PITPNB: variants seen among roughly 807,000 people sequenced by gnomAD.
PITPNB encodes the protein phosphatidylinositol transfer protein beta, also known as phosphatidylinositol transfer protein beta isoform.
PITPNB carries 16 observed loss-of-function variants against 45.9 expected under a neutral mutation model. The observed-to-expected ratio is 0.35, with a 90% confidence interval of 0.24 to 0.53. PITPNB has a LOEUF of 0.53. PITPNB is among the 20% of genes least tolerant of loss of function. PITPNB has a pLI of 0.93. For synonymous variants in PITPNB, 112 were observed against 108.9 expected, an observed-to-expected ratio of 1.03 and a Z score of -0.18; for missense variants, 188 against 330.5, an observed-to-expected ratio of 0.57 and a Z score of 3.34.
chr22:27,897,686 C>T (rs1935474590), intron 4 of PITPNB, 115 bp downstream of exon 4: 1 of 736,592 alleles, frequency 1.4e-6, no homozygotes, highest in African/African-American at 1.7e-5. Context: ...CAGTGACTAT[C>T]CAAGAACCCA....
At chr22:27,888,618 G>T (rs1247174722) in intron 7 of PITPNB, among the ~76,000 whole-genome samples, 1 of 152,210 alleles carries the variant, frequency 6.6e-6, no homozygotes, top group Non-Finnish European at 1.5e-5. Flanking sequence ...AAGGGAACAG[G>T]TTGCTAAACA....
At position 27,898,237 on chromosome 22, in the gene PITPNB, T is replaced by C. The variant is rs562862389; in HGVS notation, c.198-345A>G. On this transcript the variant is annotated intron_variant, in intron 3 of 11. Transcript: ENST00000335272. ...CAAAAAATATAAAACTAGCCAGGCATGGTGGCACATGCCTGTAGCCCCAAC... is the reference window on the plus strand; with the variant it reads ...CAAAAAATATAAAACTAGCCAGGCACGGTGGCACATGCCTGTAGCCCCAAC... 3.2e-4 allele frequency among the ~76,000 whole-genome samples: 48 copies of C among 152,168 alleles called. No individual in the cohort carries two copies. The South Asian group carries it at 9.7e-3, about 31-fold the overall frequency.
chr22:27,917,144 T>C (rs1405307197), intron 1 of PITPNB, among the ~76,000 whole-genome samples: 1 of 152,250 alleles, frequency 6.6e-6, no homozygotes, highest in African/African-American at 2.4e-5. Flanking sequence ...AATTAGACTT[T>C]GGGCACGTGT....
At chr22:27,859,269 T>G (rs1292377288) in intron 9 of PITPNB, among the ~76,000 whole-genome samples, 1 of 152,190 alleles carries the variant, frequency 6.6e-6, no homozygotes. Context: ...ATGCCAATAT[T>G]TACAGAATGC....
intron 7 of PITPNB, among the ~76,000 whole-genome samples, chr22:27,875,196 A>G (rs1934785168): frequency 6.6e-6 from 1 of 152,266 alleles, no homozygotes; most frequent in Non-Finnish European, 1.5e-5. Context: ...AGCCTCTCTA[A>G]AGGTTGTCTA....
At chr22:27,858,055 A>G (rs1169170701) in intron 10 of PITPNB, among the ~76,000 whole-genome samples, 2 of 152,224 alleles carry the variant, frequency 1.3e-5, no homozygotes, top group Non-Finnish European at 2.9e-5. Flanking sequence ...TTAGTCTGAC[A>G]AAGTGTCTAA....
At chr22:27,872,571 T>G (rs539289052) in intron 8 of PITPNB, among the ~76,000 whole-genome samples, 2 of 152,338 alleles carry the variant, frequency 1.3e-5, no homozygotes, top group East Asian at 3.9e-4. Context: ...TCATTTTTCC[T>G]TTTAGTTGAT....
intron 7 of PITPNB, among the ~76,000 whole-genome samples, chr22:27,883,396 G>A (rs1313172910): frequency 6.6e-6 from 1 of 152,180 alleles, no homozygotes. Flanking sequence ...GTTGGACCAT[G>A]GCCTCCAACT....
chr22:27,905,601 C>G (rs781131382), intron 3 of PITPNB, among the ~76,000 whole-genome samples: 1 of 152,116 alleles, frequency 6.6e-6, no homozygotes, highest in Non-Finnish European at 1.5e-5. Flanking sequence ...TGAACTCTTA[C>G]CTTGGAACCA....
chr22:27,882,329 C>A (rs930343623), intron 7 of PITPNB, among the ~76,000 whole-genome samples: 4 of 151,958 alleles, frequency 2.6e-5, no homozygotes, highest in Non-Finnish European at 4.4e-5. Flanking sequence ...ATGGTATGTT[C>A]GAAATGAAAA....
At chr22:27,882,562 G>A (rs575916378) in intron 7 of PITPNB, among the ~76,000 whole-genome samples, 2 of 152,306 alleles carry the variant, frequency 1.3e-5, no homozygotes, top group African/African-American at 4.8e-5. Flanking sequence ...ATTAACCTGA[G>A]ACTTCTACAA....
Position 27,897,091 on chromosome 22 carries a change from G to A in PITPNB, c.297+39C>T, listed in dbSNP as rs755490820. The A allele has an allele frequency of 1.7e-5, 24 of 1,385,998 alleles. No individual in the cohort carries two copies. In the Middle Eastern group the frequency reaches 1.6e-3, roughly 92 times the overall value. The allele number at this position is 1,385,998 out of a possible 1,614,324, so 85.9% of individuals were successfully genotyped here. ...ATTACTGTGTAAAACAAAGTTTAAA[G>A]ATAAAGAAAGTATGAGACACAAAAA... On this transcript the variant is annotated intron_variant, in intron 5 of 11. Transcript: ENST00000335272.
At chr22:27,875,905 A>G (rs1276962662) in intron 7 of PITPNB, among the ~76,000 whole-genome samples, 1 of 152,232 alleles carries the variant, frequency 6.6e-6, no homozygotes, top group Non-Finnish European at 1.5e-5. Flanking sequence ...TTAACTGCCA[A>G]CAGAGAATGG....
At chr22:27,885,028 G>C (rs1371415012) in intron 7 of PITPNB, among the ~76,000 whole-genome samples, 2 of 147,726 alleles carry the variant, frequency 1.4e-5, no homozygotes, top group African/African-American at 5.0e-5. Flanking sequence ...TCTAAACCAT[G>C]CTCATTTTCT....
chr22:27,918,686 C>T (rs1372423264), intron 1 of PITPNB, among the ~76,000 whole-genome samples: 1 of 152,248 alleles, frequency 6.6e-6, no homozygotes, highest in Non-Finnish European at 1.5e-5. Flanking sequence ...AGCGTCCCAC[C>T]GCGAGTCCTG....
chr22:27,899,454 C>G (rs1463739403), intron 3 of PITPNB, among the ~76,000 whole-genome samples: 1 of 151,988 alleles, frequency 6.6e-6, no homozygotes, highest in East Asian at 1.9e-4. Context: ...TCCCGAATAG[C>G]TGGGGGTACA....
intron 7 of PITPNB, chr22:27,894,348 A>C: frequency 2.6e-6 from 1 of 391,524 alleles, no homozygotes; most frequent in Non-Finnish European, 4.6e-6. Flanking sequence ...CAAAATCTAC[A>C]CAGAAAACAA....
chr22:27,880,284 C>G (rs1036405766), intron 7 of PITPNB, among the ~76,000 whole-genome samples: 3 of 152,152 alleles, frequency 2.0e-5, no homozygotes, highest in Non-Finnish European at 2.9e-5. Flanking sequence ...CCTGAAGGGA[C>G]GCTTGCTCCC....
intron 3 of PITPNB, 189 bp from the exon 4 acceptor site, chr22:27,898,081 A>AT (rs1935485230): frequency 3.6e-6 from 2 of 549,370 alleles, no homozygotes; most frequent in South Asian, 4.2e-5. Context: ...AATAAAAATG[A>AT]TTAAGAATAT....
Sources: gnomAD v4.1 joint callset for allele counts (sites outside exome capture counted in the v4.1 genomes callset) on GRCh38, gnomAD v4.1.1 for gene constraint, MANE v1.5 for transcripts, NCBI Gene and HGNC (gene_info 2026-07-23, HGNC 2026-07-21) for gene names.